Variants in DNAH17 observed in about 807,000 individuals in gnomAD.
DNAH17 encodes axonemal beta dynein heavy chain 17.
A neutral mutation model predicts 485.6 loss-of-function variants in DNAH17; 376 were observed. The observed-to-expected ratio is 0.77, with a 90% CI of 0.71 to 0.84. The LOEUF (loss-of-function observed/expected upper bound fraction) is 0.84, where lower values mean the gene tolerates loss of function less well. Ranked by LOEUF, DNAH17 falls within the 40% of genes least tolerant of loss-of-function variation. The pLI is 0.00. For missense variants in DNAH17, 6,370 were observed against 5,839.3 expected, an observed-to-expected ratio of 1.09 and a Z score of -2.96; for synonymous variants, 3,031 against 2,405.9, an observed-to-expected ratio of 1.26 and a Z score of -7.60.
intron 74 of DNAH17, among the ~76,000 whole-genome samples, chr17:78,435,076 C>T (rs1439964451): frequency 2.6e-5 from 4 of 152,190 alleles, no homozygotes; most frequent in South Asian, 2.1e-4. Flanking sequence ...TTCCATCACT[C>T]GAGTATCCCC....
At chr17:78,485,286 C>T in intron 47 of DNAH17, 2 of 623,398 alleles carry the variant, frequency 3.2e-6, no homozygotes, top group Non-Finnish European at 5.5e-6. Flanking sequence ...CTTAGATTGG[C>T]TGAGACACTC....
chr17:78,507,279 T>A lies in DNAH17; in HGVS notation c.4675A>T (p.Ser1559Cys). The A allele has an allele frequency of 6.2e-7, 1 of 1,613,972 alleles. No individual in the cohort carries two copies. The highest frequency in any genetic ancestry group is 8.5e-7 in the Non-Finnish European group (1 of 1,179,900). Residue 1559 changes from serine to cysteine, a missense_variant and splice_region_variant, in exon 29 of 81, where the codon AGC becomes TGC. Physicochemically the swap from Ser to Cys is moderately radical, Grantham distance 112. Transcript: ENST00000389840. ...LYNKLEALKKSLAICEKALAE... is the reference protein window; with the variant it reads ...LYNKLEALKKCLAICEKALAE... ...GGTCTGGATAGGTGTGAGCCGCACC[T>A]CTTCTTCAGGGCCTCCAGTTTATTG... is the stretch of plus-strand genomic sequence containing the variant.
intron 48 of DNAH17, among the ~76,000 whole-genome samples, chr17:78,482,557 G>A (rs1221414944): frequency 6.6e-6 from 1 of 152,052 alleles, no homozygotes; most frequent in Non-Finnish European, 1.5e-5. Flanking sequence ...CCTTCTGTGT[G>A]TGCCTCTGAA....
rs2088595933 is a variant in DNAH17 at position 78,468,565 on chromosome 17, C to T, written c.8778+52G>A. 5.7e-6 allele frequency: 9 copies of T among 1,571,716 alleles called. No individual in the cohort carries two copies. In the South Asian group the frequency reaches 9.4e-5, roughly 16 times the overall value. On this transcript the variant is annotated intron_variant, in intron 55 of 80. Transcript: ENST00000389840. ...AGAGCAAAAACCCATACCCTGTAGG[C>T]CACGGGCACCAAGCTGGGCTCTTGA...
At position 78,429,489 on chromosome 17, in the gene DNAH17, T is replaced by C. The variant is rs1964450; in HGVS notation, c.12226-189A>G. 0.16 allele frequency among the ~76,000 whole-genome samples: 23,741 copies of C among 152,070 alleles called. 1,981 individuals carry two copies. Among genetic ancestry groups the C allele is most frequent in the Middle Eastern group, 0.19 (57 of 294 alleles). ...GCCCCAGGGCCACCTTTCTTTCCAT[T>C]CCGCGCCACCAGACGCCAATGTCCG... On this transcript the variant is annotated intron_variant, in intron 75 of 80. Transcript: ENST00000389840.
chr17:78,574,141 G>C (rs1246850342), intron 2 of DNAH17, among the ~76,000 whole-genome samples: 1 of 152,222 alleles, frequency 6.6e-6, no homozygotes, highest in Non-Finnish European at 1.5e-5. Context: ...ACAAGGGGAT[G>C]CTCGGGGCTT....
At chr17:78,538,640 G>A (rs1419742887) in intron 18 of DNAH17, among the ~76,000 whole-genome samples, 7 of 152,206 alleles carry the variant, frequency 4.6e-5, no homozygotes, top group Non-Finnish European at 1.0e-4. Context: ...AAAGTAGGAG[G>A]ACTCCCTGGA....
intron 52 of DNAH17, among the ~76,000 whole-genome samples, chr17:78,476,286 A>AC (rs986041342): frequency 2.0e-5 from 3 of 147,324 alleles, no homozygotes; most frequent in African/African-American, 7.6e-5. Context: ...GAACCCTCGG[A>AC]CCCACAGCCA....
At chr17:78,562,765 C>T (rs900840746) in intron 11 of DNAH17, among the ~76,000 whole-genome samples, 4 of 152,212 alleles carry the variant, frequency 2.6e-5, no homozygotes, top group African/African-American at 9.6e-5. Context: ...AGGAAGAGCA[C>T]TGCCACTCTC....
chr17:78,554,716 T>C (rs978390891), intron 14 of DNAH17, among the ~76,000 whole-genome samples: 5 of 152,150 alleles, frequency 3.3e-5, no homozygotes, highest in African/African-American at 1.2e-4. Context: ...TAGATGCTGA[T>C]TTGCCTTTCA....
At chr17:78,530,199 G>T (rs946709604) in intron 21 of DNAH17, 144 bp downstream of exon 21, 3 of 915,600 alleles carry the variant, frequency 3.3e-6, no homozygotes, top group Non-Finnish European at 3.2e-6. Flanking sequence ...CACGCTTGGT[G>T]GGGTAGTTGG....
chr17:78,561,408 A>G (rs1166601762), intron 12 of DNAH17, among the ~76,000 whole-genome samples: 4 of 151,808 alleles, frequency 2.6e-5, no homozygotes, highest in Admixed American at 2.6e-4. Context: ...AGACTTGGCC[A>G]AGTGCACGCA....
intron 27 of DNAH17, among the ~76,000 whole-genome samples, chr17:78,508,844 C>T (rs2090559006): frequency 6.6e-6 from 1 of 151,874 alleles, no homozygotes; most frequent in African/African-American, 2.4e-5. Context: ...GGGTCCAGCC[C>T]AGGCTGGAGT....
At chr17:78,568,782 C>G (rs1334016392) in intron 9 of DNAH17, among the ~76,000 whole-genome samples, 1 of 152,186 alleles carries the variant, frequency 6.6e-6, no homozygotes. Context: ...ATCTGCTGTG[C>G]GTCACTCCGT....
intron 6 of DNAH17, 134 bp from the exon 7 acceptor site, chr17:78,570,506 C>CT: frequency 8.6e-7 from 1 of 1,168,732 alleles, no homozygotes; most frequent in East Asian, 2.7e-5. Flanking sequence ...GGAGAGGCAA[C>CT]TCCCTAGGCC....
intron 14 of DNAH17, among the ~76,000 whole-genome samples, chr17:78,557,159 G>A (rs960214214): frequency 3.3e-5 from 5 of 152,150 alleles, no homozygotes; most frequent in South Asian, 2.1e-4. Context: ...AGCAGGGACC[G>A]CCACCTCCTA....
chr17:78,461,692 G>T lies in DNAH17; in HGVS notation c.9191C>A (p.Ala3064Asp). The change falls in exon 58 of 81, where the codon GCC becomes GAC. Residue 3064 changes from alanine to aspartate, a missense_variant. Physicochemically the swap from Ala to Asp is moderately radical, Grantham distance 126 (BLOSUM62 -2). Transcript: ENST00000389840. ...CTCAGCCTCCTGAATCGCCAACTTG[G>T]CTTTCAAATCATCCACCTGGGGAAG... Reference protein sequence around the residue: ...STASQVDDLKAKLAIQEAELK... With the variant: ...STASQVDDLKDKLAIQEAELK... 1.2e-6 allele frequency: 2 copies of T among 1,609,392 alleles called. No homozygotes were observed. Among genetic ancestry groups the T allele is most frequent in the Non-Finnish European group, 1.7e-6 (2 of 1,178,468 alleles).
chr17:78,430,043 T>A (rs1470085729), intron 75 of DNAH17, among the ~76,000 whole-genome samples: 2 of 152,168 alleles, frequency 1.3e-5, no homozygotes, highest in Non-Finnish European at 2.9e-5. Context: ...CCGCCGCCGT[T>A]CCCACTCCCT....
chr17:78,535,282 A>T (rs533185353), intron 19 of DNAH17, among the ~76,000 whole-genome samples: 79 of 152,262 alleles, frequency 5.2e-4, no homozygotes, highest in African/African-American at 1.9e-3. Context: ...AACTGGGGCA[A>T]ATTCTATTCT....
Sources: allele counts gnomAD v4.1 joint callset (sites outside exome capture counted in the v4.1 genomes callset), GRCh38; gene constraint gnomAD v4.1.1; transcripts MANE v1.5; gene names NCBI Gene and HGNC (gene_info 2026-07-23, HGNC 2026-07-21).